SMC1A: variants seen among roughly 807,000 people sequenced by gnomAD.
SMC1A encodes structural maintenance of chromosomes 1A, also known as structural maintenance of chromosomes protein 1A.
Under a neutral mutation model 94.5 loss-of-function variants are expected in SMC1A, and 4 were observed. The ratio of observed to expected loss-of-function variants is 0.04; its 90% CI spans 0.02 to 0.10. The LOEUF (loss-of-function observed/expected upper bound fraction) is 0.10. SMC1A is among the 10% of genes least tolerant of loss of function. The probability of loss-of-function intolerance (pLI) is 1.00; values close to 1 mark genes in which losing one functional copy is unlikely to be tolerated. For missense variants in SMC1A, 304 were observed against 989.0 expected (o/e 0.31, Z 9.29); for synonymous variants, 345 against 347.7 (o/e 0.99, Z 0.09).
At chrX:53,394,393 CCA>C (rs782715162) in intron 19 of SMC1A, among the ~76,000 whole-genome samples, 1 of 109,786 alleles carries the variant, frequency 9.1e-6, no homozygotes, top group South Asian at 3.9e-4. Flanking sequence ...AAAGTGATAT[CCA>C]GGATGAAAGA....
chrX:53,387,411 G>C (rs1347586230), intron 19 of SMC1A, among the ~76,000 whole-genome samples: 1 of 112,074 alleles, frequency 8.9e-6, no homozygotes, highest in Admixed American at 9.5e-5. Flanking sequence ...AACAATAACT[G>C]GAAGACTCAA....
chrX:53,380,009 C>A lies in SMC1A; in HGVS notation c.*94G>T, dbSNP rs1389104401. On this transcript the variant is annotated 3_prime_UTR_variant, in exon 25 of 25. Coordinates refer to ENST00000322213, the MANE Select transcript of SMC1A (RefSeq NM_006306.4). ...AATCCCATGACTACACCAAAAAGGG[C>A]CAGGAGGTAGGGGGAAGGTTGGGAG... 4.8e-6 allele frequency: 3 copies of A among 622,024 alleles called. No individual in the cohort carries two copies. The highest frequency in any genetic ancestry group is 8.1e-6 in the Non-Finnish European group (3 of 370,491). 51.3% of individuals were successfully genotyped at this position (622,024 alleles called of 1,213,427 possible).
At position 53,378,271 on chromosome X, in the gene SMC1A, G is replaced by A. The variant is rs1369525321; in HGVS notation, c.*1832C>T. The A allele has an allele frequency of 1.8e-5, 2 of 112,245 alleles. No homozygotes were observed. The highest frequency in any genetic ancestry group is 6.5e-5 in the African/African-American group (2 of 30,883). The allele number at this position is 112,245 out of a possible 1,213,427, so 9.3% of individuals were successfully genotyped here. A position where few individuals can be genotyped will look rare whatever the true frequency, so the allele number is the denominator to read the frequency against. ...TTCACACAGGCATAGTGATGCTCCT[G>A]TGTAGTATTTTGTAATAGCAAAACC... is the stretch of plus-strand genomic sequence containing the variant. On this transcript the variant is annotated 3_prime_UTR_variant, in exon 25 of 25. Coordinates refer to ENST00000322213, the MANE Select transcript of SMC1A (RefSeq NM_006306.4).
intron 1 of SMC1A, chrX:53,421,789 G>T: frequency 1.1e-6 from 1 of 887,882 alleles, no homozygotes; most frequent in Non-Finnish European, 1.6e-6. Flanking sequence ...ACTTGCAACT[G>T]AATAACTCCT....
intron 19 of SMC1A, among the ~76,000 whole-genome samples, chrX:53,388,030 T>C (rs1438129922): frequency 2.7e-5 from 3 of 111,706 alleles, no homozygotes; most frequent in Non-Finnish European, 5.6e-5. Context: ...CTCTTTATAG[T>C]ATTCCAGCCA....
intron 7 of SMC1A, among the ~76,000 whole-genome samples, chrX:53,411,405 C>T (rs937662872): frequency 9.1e-6 from 1 of 110,353 alleles, no homozygotes; most frequent in Non-Finnish European, 1.9e-5. Flanking sequence ...GCCTGGCCAA[C>T]GTAGTGAAAC....
At position 53,379,788 on chromosome X, in the gene SMC1A, C is replaced by A. The variant is rs6638390; in HGVS notation, c.*315G>T. On this transcript the variant is annotated 3_prime_UTR_variant, in exon 25 of 25. Transcript: ENST00000322213. ...ACATACACACATACATACCCACACACACAGTGGGCAAGAGGCCCAAGGGGC... is the reference window on the plus strand; with the variant it reads ...ACATACACACATACATACCCACACAAACAGTGGGCAAGAGGCCCAAGGGGC... 2.4e-3 allele frequency: 923 copies of A among 382,626 alleles called. 9 individuals carry two copies. Among genetic ancestry groups the A allele is most frequent in the African/African-American group, 0.021 (846 of 39,715 alleles). 31.5% of individuals were successfully genotyped at this position (382,626 alleles called of 1,213,427 possible).
intron 19 of SMC1A, among the ~76,000 whole-genome samples, chrX:53,390,973 C>CAAAAAAAAAAA (rs782771730): frequency 1.2e-4 from 4 of 34,320 alleles, no homozygotes; most frequent in Non-Finnish European, 1.8e-4. Flanking sequence ...GACTCCGTCT[C>CAAAAAAAAAAA]AAAAAAAAAA....
chrX:53,410,252 T>C (rs1461904893), intron 7 of SMC1A, among the ~76,000 whole-genome samples: 1 of 111,649 alleles, frequency 9.0e-6, no homozygotes, highest in Non-Finnish European at 1.9e-5. Context: ...CCCAACACTT[T>C]GGGAGGCCAA....
chrX:53,380,941 A>T (rs781936918), intron 23 of SMC1A, 77 bp downstream of exon 23: 2 of 873,184 alleles, frequency 2.3e-6, no homozygotes, highest in East Asian at 6.2e-5. Context: ...CGGCTAGGGC[A>T]CGCTCAGGAG....
chrX:53,409,846 T>C (rs944262231), intron 7 of SMC1A, among the ~76,000 whole-genome samples: 1 of 111,993 alleles, frequency 8.9e-6, no homozygotes, highest in African/African-American at 3.2e-5. Context: ...CTCCACTGCA[T>C]AGAATACACA....
Position 53,405,544 on chromosome X carries a change from G to A in SMC1A, c.1860C>T (p.Asp620=), listed in dbSNP as rs1458553359. 3.3e-6 allele frequency: 4 copies of A among 1,212,169 alleles called. No individual in the cohort carries two copies. The Admixed American group carries it at 8.7e-5, about 26-fold the overall frequency. ...QYACGNALVC[D]NVEDARRIAF... is the part of the protein sequence containing the mutation. ...CAATGCGGCGGGCATCTTCCACGTT[G>A]TCACAGACAAGGGCATTGCCACAAG... Residue 620 remains aspartate (D), a synonymous_variant, in exon 11 of 25, where the codon GAC becomes GAT. Transcript: ENST00000322213.
intron 19 of SMC1A, among the ~76,000 whole-genome samples, chrX:53,390,561 T>C (rs1287326692): frequency 1.8e-5 from 2 of 110,249 alleles, no homozygotes; most frequent in African/African-American, 6.6e-5. Flanking sequence ...TTAAAACTGG[T>C]GATGGCTATA....
intron 19 of SMC1A, among the ~76,000 whole-genome samples, chrX:53,389,872 C>T (rs1180646773): frequency 3.4e-5 from 2 of 58,736 alleles, no homozygotes; most frequent in African/African-American, 7.5e-5. Flanking sequence ...TTTTTTGAGA[C>T]GGAGTCTTGC....
rs2075565356 is a variant in SMC1A, at chrX:53,377,768, C to T, written c.*2335G>A. On this transcript the variant is annotated 3_prime_UTR_variant, in exon 25 of 25. Coordinates refer to ENST00000322213, the MANE Select transcript of SMC1A (RefSeq NM_006306.4). The stretch of plus-strand genomic sequence containing the variant: ...ATTTAATTTTCTCTTTGCTTCACTA[C>T]TGCAAGGTAGGTGTTTATTATCTCC... 1 of 111,538 alleles carries T rather than the reference C, an allele frequency of 9.0e-6. No individual in the cohort carries two copies. The highest frequency in any genetic ancestry group is 1.9e-5 in the Non-Finnish European group (1 of 53,131). 9.2% of individuals were successfully genotyped at this position (111,538 alleles called of 1,213,427 possible).
intron 19 of SMC1A, among the ~76,000 whole-genome samples, chrX:53,390,986 AAAAAAAAAAAAG>A (rs2075626621): frequency 1.5e-4 from 15 of 99,664 alleles, no homozygotes; most frequent in Non-Finnish European, 2.6e-4. Flanking sequence ...AAAAAAAAAA[AAAAAAAAAAAAG>A]AAAAAGAAAA....
chrX:53,406,964 C>T (rs781898721), intron 9 of SMC1A, among the ~76,000 whole-genome samples: 3 of 112,157 alleles, frequency 2.7e-5, no homozygotes, highest in South Asian at 3.7e-4. Flanking sequence ...TCCCAAAGTG[C>T]GAGGATTACA....
chrX:53,395,844 TC>T (rs2075648830), intron 18 of SMC1A, among the ~76,000 whole-genome samples: 1 of 111,136 alleles, frequency 9.0e-6, no homozygotes, highest in Non-Finnish European at 1.9e-5. Context: ...CCCCTAGCTT[TC>T]TGTCTTCCTT....
rs782241632 is a variant in SMC1A at position 53,382,576 on chromosome X, G to C, written c.3215C>G (p.Ala1072Gly). 1 of 1,211,234 alleles carries C rather than the reference G, an allele frequency of 8.3e-7. No homozygotes were observed. The highest frequency in any genetic ancestry group is 2.2e-5 in the Admixed American group (1 of 46,023). Residue 1072 changes from alanine (A) to glycine (G), a missense_variant, in exon 21 of 25, where the codon GCT (alanine) becomes GGT (glycine). Around this residue, in one of 11 missense-constraint regions of SMC1A, gnomAD observed 17 missense variants for 38.8 expected, o/e 0.44. Coordinates refer to ENST00000322213, the MANE Select transcript of SMC1A (RefSeq NM_006306.4). ...IKKERFDRFN[A>G]CFESVATNID... ...GTTGGTAGCCACAGATTCAAAACAAGCATTGAAGCGGTCAAAGCGCTCCTT... is the reference window on the plus strand; with the variant it reads ...GTTGGTAGCCACAGATTCAAAACAACCATTGAAGCGGTCAAAGCGCTCCTT...
Sources: allele counts gnomAD v4.1 joint callset (sites outside exome capture counted in the v4.1 genomes callset), GRCh38; gene constraint gnomAD v4.1.1; regional missense constraint gnomAD v4.1.1; transcripts MANE v1.5; gene names NCBI Gene and HGNC (gene_info 2026-07-23, HGNC 2026-07-21).